Variants in KRABD5 observed in about 807,000 individuals in gnomAD.
KRABD5 encodes KRAB domain containing 5.
At chr16:31,726,699 G>A in the KRABD5 span, among the ~76,000 whole-genome samples, 1 of 152,116 alleles carries the variant, frequency 6.6e-6, no homozygotes, top group Non-Finnish European at 1.5e-5. Context: ...AGCGGAGGTT[G>A]CAGTGAGCCA....
the KRABD5 span, chr16:31,756,488 A>G: frequency 1.3e-5 from 2 of 151,256 alleles, no homozygotes; most frequent in Non-Finnish European, 1.5e-5. Flanking sequence ...CTTCACAGAT[A>G]TCAGAGAAAA....
the KRABD5 span, among the ~76,000 whole-genome samples, chr16:31,721,788 CT>C: frequency 6.6e-6 from 1 of 152,212 alleles, no homozygotes; most frequent in Non-Finnish European, 1.5e-5. Context: ...AACCTCTCTG[CT>C]ATTCAAAAGT....
chr16:31,717,293 G>T, the KRABD5 span, among the ~76,000 whole-genome samples: 2 of 152,266 alleles, frequency 1.3e-5, no homozygotes, highest in South Asian at 2.1e-4. Context: ...ACTGTGCCTG[G>T]CTGTCAGTTT....
At chr16:31,738,822 C>A in the KRABD5 span, among the ~76,000 whole-genome samples, 97 of 152,058 alleles carry the variant, frequency 6.4e-4, no homozygotes, top group Non-Finnish European at 8.7e-4. Context: ...TCCTTTCCCA[C>A]TTCTCTCTGT....
chr16:31,724,608 T>A, the KRABD5 span, among the ~76,000 whole-genome samples: 1 of 150,526 alleles, frequency 6.6e-6, no homozygotes, highest in Non-Finnish European at 1.5e-5. Flanking sequence ...AGGAGAATGG[T>A]GTGAACCTGG....
chr16:31,748,801 T>G, the KRABD5 span, among the ~76,000 whole-genome samples: 4 of 152,196 alleles, frequency 2.6e-5, no homozygotes, highest in Admixed American at 6.5e-5. Context: ...TTGTTGATGC[T>G]GTTGTTGTTG....
chr16:31,716,249 C>T, the KRABD5 span, among the ~76,000 whole-genome samples: 1 of 152,118 alleles, frequency 6.6e-6, no homozygotes, highest in South Asian at 2.1e-4. Context: ...TCTCATCTGC[C>T]TGCATGGACA....
chr16:31,722,433 T>C, the KRABD5 span, among the ~76,000 whole-genome samples: 17 of 152,362 alleles, frequency 1.1e-4, no homozygotes, highest in African/African-American at 4.1e-4. Flanking sequence ...TTGTGGATTT[T>C]GTATCATTCT....
At chr16:31,754,926 C>T in the KRABD5 span, 10 of 446,890 alleles carry the variant, frequency 2.2e-5, no homozygotes, top group South Asian at 1.5e-4. Context: ...TCATATTTTA[C>T]TAGACATCAG....
the KRABD5 span, among the ~76,000 whole-genome samples, chr16:31,717,048 G>A: frequency 7.1e-6 from 1 of 139,986 alleles, no homozygotes; most frequent in Non-Finnish European, 1.5e-5. Flanking sequence ...CCAGGCTGGA[G>A]TGCAGTGGTG....
the KRABD5 span, among the ~76,000 whole-genome samples, chr16:31,714,764 G>A: frequency 2.6e-5 from 4 of 152,196 alleles, no homozygotes; most frequent in African/African-American, 9.6e-5. Flanking sequence ...GGGAGAAGCT[G>A]CAGAGTTCTG....
the KRABD5 span, among the ~76,000 whole-genome samples, chr16:31,752,207 G>T: frequency 6.6e-6 from 1 of 152,146 alleles, no homozygotes; most frequent in Non-Finnish European, 1.5e-5. Flanking sequence ...TGTCCTGTGT[G>T]CATATGAAGG....
the KRABD5 span, among the ~76,000 whole-genome samples, chr16:31,749,696 C>T: frequency 6.6e-6 from 1 of 152,288 alleles, no homozygotes; most frequent in South Asian, 2.1e-4. Flanking sequence ...CAGGACAGGG[C>T]TCTCCTCCCC....
chr16:31,746,676 G>T, the KRABD5 span, among the ~76,000 whole-genome samples: 1 of 152,106 alleles, frequency 6.6e-6, no homozygotes, highest in African/African-American at 2.4e-5. Context: ...TCTAGGTTAG[G>T]GAAGTTCACC....
chr16:31,725,708 G>A, the KRABD5 span, among the ~76,000 whole-genome samples: 1 of 152,184 alleles, frequency 6.6e-6, no homozygotes, highest in African/African-American at 2.4e-5. Context: ...GAGGTTTGGT[G>A]TTCATTTCCC....
chr16:31,725,017 ACCTTCTT>A, the KRABD5 span, among the ~76,000 whole-genome samples: 1 of 152,194 alleles, frequency 6.6e-6, no homozygotes, highest in Non-Finnish European at 1.5e-5. Flanking sequence ...TGGTAGAACT[ACCTTCTT>A]CATTATGCTG....
the KRABD5 span, among the ~76,000 whole-genome samples, chr16:31,724,235 AT>A: frequency 1.3e-3 from 194 of 147,168 alleles, 1 homozygote; most frequent in African/African-American, 4.4e-3. Context: ...TTTCATGTGG[AT>A]TTTTTTCCCA....
the KRABD5 span, chr16:31,722,672 A>G: frequency 1.9e-6 from 3 of 1,613,178 alleles, no homozygotes; most frequent in African/African-American, 1.3e-5. Flanking sequence ...TCTCGGGAGG[A>G]GTGGGAACAC....
At chr16:31,730,359 C>T in the KRABD5 span, among the ~76,000 whole-genome samples, 1 of 151,968 alleles carries the variant, frequency 6.6e-6, no homozygotes. Flanking sequence ...TCTTTCAGCA[C>T]TTTTAATATA....
Sources: allele counts gnomAD v4.1 joint callset (sites outside exome capture counted in the v4.1 genomes callset), GRCh38; gene constraint gnomAD v4.1.1; transcripts MANE v1.5; gene names NCBI Gene and HGNC (gene_info 2026-07-23, HGNC 2026-07-21).